The following TBC1D19 variants were observed in gnomAD, a reference collection of about 807,000 sequenced individuals.
TBC1D19 encodes TBC1 domain family member 19, also known as TBC1 domain family, member 19.
In TBC1D19, 60 loss-of-function variants were observed where a neutral mutation model predicts 89.0. The ratio of observed to expected loss-of-function variants is 0.67; its 90% confidence interval spans 0.55 to 0.84. The LOEUF (loss-of-function observed/expected upper bound fraction) is 0.84, where lower values mean the gene tolerates loss of function less well. Ranked by LOEUF, TBC1D19 falls within the 40% of genes least tolerant of loss-of-function variation. The pLI is 0.00. For synonymous variants in TBC1D19, 189 were observed against 199.7 expected (o/e 0.95, Z 0.45); for missense variants, 500 against 610.8 (o/e 0.82, Z 1.91).
intron 5 of TBC1D19, 144 bp from the exon 6 acceptor site, chr4:26,638,627 C>A (rs1433391377): frequency 3.2e-6 from 2 of 620,432 alleles, no homozygotes; most frequent in South Asian, 2.2e-5. Flanking sequence ...AATGCAGTTA[C>A]CCCCCAAATT....
intron 15 of TBC1D19, among the ~76,000 whole-genome samples, chr4:26,732,461 C>A (rs914451343): frequency 6.6e-6 from 1 of 152,168 alleles, no homozygotes; most frequent in African/African-American, 2.4e-5. Context: ...TGTCCCTAAT[C>A]AAATGGCAGC....
intron 16 of TBC1D19, among the ~76,000 whole-genome samples, chr4:26,739,043 T>G (rs1718198347): frequency 6.6e-6 from 1 of 152,210 alleles, no homozygotes; most frequent in Non-Finnish European, 1.5e-5. Flanking sequence ...TGCAGTTGTA[T>G]CTATCTGCAT....
chr4:26,628,398 A>T (rs1413910786), intron 4 of TBC1D19, among the ~76,000 whole-genome samples: 10 of 152,194 alleles, frequency 6.6e-5, no homozygotes, highest in African/African-American at 2.4e-4. Flanking sequence ...GTGAACTTTA[A>T]AGTAGTTTTT....
At chr4:26,616,279 A>G (rs1452380984) in intron 3 of TBC1D19, among the ~76,000 whole-genome samples, 1 of 152,184 alleles carries the variant, frequency 6.6e-6, no homozygotes, top group Non-Finnish European at 1.5e-5. Flanking sequence ...ATAGCATTGG[A>G]TCAGGGGCAG....
chr4:26,703,960 C>CAAAAA (rs11453747), intron 13 of TBC1D19, among the ~76,000 whole-genome samples: 3 of 114,224 alleles, frequency 2.6e-5, no homozygotes, highest in East Asian at 4.9e-4. Context: ...GACTCCGTCT[C>CAAAAA]AAAAAAAAAA....
chr4:26,605,899 GTTAT>G (rs1226046218), intron 1 of TBC1D19, among the ~76,000 whole-genome samples: 1 of 152,052 alleles, frequency 6.6e-6, no homozygotes, highest in Non-Finnish European at 1.5e-5. Context: ...TTTTGATGGG[GTTAT>G]TTGTTTTTTG....
At chr4:26,625,048 G>GAAA (rs776707700) in intron 4 of TBC1D19, among the ~76,000 whole-genome samples, 4 of 151,862 alleles carry the variant, frequency 2.6e-5, no homozygotes, top group Non-Finnish European at 5.9e-5. Context: ...TTGTACCCTG[G>GAAA]AAAAATTCAA....
At chr4:26,651,185 T>A (rs1744346940) in intron 7 of TBC1D19, among the ~76,000 whole-genome samples, 1 of 152,220 alleles carries the variant, frequency 6.6e-6, no homozygotes, top group African/African-American at 2.4e-5. Flanking sequence ...CTTAGTATTG[T>A]CTTGGCACTG....
chr4:26,784,466 C>T, the TBC1D19 span, among the ~76,000 whole-genome samples: 2 of 152,180 alleles, frequency 1.3e-5, no homozygotes, highest in African/African-American at 4.8e-5. Flanking sequence ...TGGCAGGAGC[C>T]CTGGAGCCCA....
chr4:26,592,751 G>A (rs1211619839), intron 1 of TBC1D19, among the ~76,000 whole-genome samples: 1 of 151,288 alleles, frequency 6.6e-6, no homozygotes, highest in Non-Finnish European at 1.5e-5. Context: ...GCTTCAAAGA[G>A]AATAAAATAC....
chr4:26,840,696 G>A, the TBC1D19 span, among the ~76,000 whole-genome samples: 2 of 152,180 alleles, frequency 1.3e-5, no homozygotes, highest in Non-Finnish European at 2.9e-5. Flanking sequence ...GTTGCCCTGA[G>A]CCCCACATTC....
chr4:26,588,064 C>T (rs1288753427), intron 1 of TBC1D19, among the ~76,000 whole-genome samples: 6 of 128,648 alleles, frequency 4.7e-5, no homozygotes, highest in South Asian at 2.3e-4. Context: ...CTCGCTTTGT[C>T]GCCCAGGCTG....
intron 1 of TBC1D19, among the ~76,000 whole-genome samples, chr4:26,593,277 G>T (rs923915869): frequency 9.2e-5 from 14 of 152,160 alleles, no homozygotes; most frequent in Non-Finnish European, 1.8e-4. Context: ...GGGAAAACTG[G>T]CTAGCCATAT....
chr4:26,661,748 A>G (rs1354724979), intron 8 of TBC1D19, among the ~76,000 whole-genome samples: 1 of 152,184 alleles, frequency 6.6e-6, no homozygotes, highest in South Asian at 2.1e-4. Context: ...ACAGAATGGA[A>G]AACAGCATGA....
chr4:26,658,910 C>T, intron 7 of TBC1D19, among the ~76,000 whole-genome samples: 1 of 152,110 alleles, frequency 6.6e-6, no homozygotes, highest in East Asian at 1.9e-4. Context: ...TATAGGAATG[C>T]TTGTGATTTT....
intron 1 of TBC1D19, among the ~76,000 whole-genome samples, chr4:26,602,262 T>C (rs1450626799): frequency 6.6e-6 from 1 of 152,080 alleles, no homozygotes; most frequent in Non-Finnish European, 1.5e-5. Flanking sequence ...AGGCCTCTGG[T>C]GGTCTCTAAG....
the TBC1D19 span, among the ~76,000 whole-genome samples, chr4:26,788,890 G>A: frequency 2.0e-5 from 3 of 152,200 alleles, no homozygotes; most frequent in Non-Finnish European, 4.4e-5. Context: ...GGTGGGAGTC[G>A]CTGAGCTACT....
chr4:26,740,983 A>G lies in TBC1D19; in HGVS notation c.1227+1010A>G, dbSNP rs115527518. The G allele has an allele frequency of 6.0e-4, 583 of 974,056 alleles. 7 individuals carry two copies. The African/African-American group carries it at 9.5e-3, about 16-fold the overall frequency. 60.3% of individuals were successfully genotyped at this position (974,056 alleles called of 1,614,324 possible). A position where few individuals can be genotyped will look rare whatever the true frequency, so the allele number is the denominator to read the frequency against. On this transcript the variant is annotated intron_variant, in intron 17 of 20. Transcript: ENST00000264866. ...CAGTTATCCTGGGTTTCTTATCTCT[A>G]AGAGAACTTGATTTTGTTCTTATCT... is the stretch of plus-strand genomic sequence containing the variant.
downstream of TBC1D19, among the ~76,000 whole-genome samples, chr4:26,758,500 A>G (rs1719349166): frequency 1.3e-5 from 2 of 152,202 alleles, 1 homozygote; most frequent in African/African-American, 4.8e-5. Context: ...AGTAGTCACC[A>G]TGTACTGTTC....
Sources: gnomAD v4.1 joint callset for allele counts (sites outside exome capture counted in the v4.1 genomes callset) on GRCh38, gnomAD v4.1.1 for gene constraint, MANE v1.5 for transcripts, NCBI Gene and HGNC (gene_info 2026-07-23, HGNC 2026-07-21) for gene names.